Variants in FANCC observed in about 807,000 individuals in gnomAD.
The protein encoded by FANCC is Fanconi anemia group C protein.
In FANCC, 55 loss-of-function variants were observed where a neutral mutation model predicts 71.3. That is an observed-to-expected ratio of 0.77 (90% CI 0.62 to 0.97). FANCC has a LOEUF of 0.97. FANCC is among the 50% of genes least tolerant of loss of function. FANCC has a pLI of 0.00. For synonymous variants in FANCC, 275 were observed against 244.9 expected (o/e 1.12, Z -1.15); for missense variants, 678 against 670.9 (o/e 1.01, Z -0.12).
chr9:95,179,148 G>A (rs1723497902), intron 4 of FANCC, among the ~76,000 whole-genome samples: 1 of 152,096 alleles, frequency 6.6e-6, no homozygotes, highest in African/African-American at 2.4e-5. Context: ...GTTTTGATGT[G>A]TTCTTTCATC....
At position 95,099,380 on chromosome 9, in the gene FANCC, G is replaced by A. The variant is rs761146355; in HGVS notation, c.*2327C>T. 17 of 227,942 alleles carry A rather than the reference G, an allele frequency of 7.5e-5. No homozygotes were observed. The highest frequency in any genetic ancestry group is 1.4e-4 in the Non-Finnish European group (16 of 115,274). The allele number at this position is 227,942 out of a possible 1,614,324, so 14.1% of individuals were successfully genotyped here. A position where few individuals can be genotyped will look rare whatever the true frequency, so the allele number is the denominator to read the frequency against. On this transcript the variant is annotated 3_prime_UTR_variant, in exon 15 of 15. Transcript: ENST00000289081. ...CGCCTTGCCATCCCTGCCTCCCTGC[G>A]GCTGCCCCTGTGCCCAGGCCCCGCC... is the stretch of plus-strand genomic sequence containing the variant.
At chr9:95,103,074 C>G (rs552460164) in intron 14 of FANCC, among the ~76,000 whole-genome samples, 2 of 152,112 alleles carry the variant, frequency 1.3e-5, no homozygotes, top group South Asian at 4.1e-4. Flanking sequence ...TGTCCTTCAT[C>G]AAGGAAACAA....
chr9:95,130,247 C>T (rs975357394), intron 8 of FANCC, among the ~76,000 whole-genome samples: 1 of 151,930 alleles, frequency 6.6e-6, no homozygotes. Context: ...ACAGAATTCT[C>T]AGGAAGAAGC....
intron 1 of FANCC, chr9:95,292,884 G>A: frequency 6.3e-7 from 1 of 1,585,400 alleles, no homozygotes; most frequent in Non-Finnish European, 8.7e-7. Context: ...GAAAAGACTT[G>A]CAGAGGACTG....
intron 6 of FANCC, among the ~76,000 whole-genome samples, chr9:95,169,917 A>T (rs1825556348): frequency 6.6e-6 from 1 of 152,144 alleles, no homozygotes; most frequent in Non-Finnish European, 1.5e-5. Flanking sequence ...CATTTCTATA[A>T]CGGAGTGTTT....
chr9:95,193,347 G>A (rs1418902005), intron 4 of FANCC, among the ~76,000 whole-genome samples: 2 of 152,104 alleles, frequency 1.3e-5, no homozygotes, highest in Admixed American at 6.5e-5. Context: ...CTCTAGCTAG[G>A]CCATGGCGAG....
At chr9:95,193,642 G>A (rs1827242510) in intron 4 of FANCC, among the ~76,000 whole-genome samples, 1 of 152,142 alleles carries the variant, frequency 6.6e-6, no homozygotes, top group African/African-American at 2.4e-5. Flanking sequence ...AGATGACATT[G>A]GAAACTGAGA....
intron 7 of FANCC, among the ~76,000 whole-genome samples, chr9:95,143,948 A>C (rs976617869): frequency 2.0e-5 from 3 of 152,252 alleles, no homozygotes; most frequent in Non-Finnish European, 2.9e-5. Flanking sequence ...AAAGACAGGC[A>C]GACCACTGCT....
chr9:95,219,592 C>T (rs766357689), intron 4 of FANCC, among the ~76,000 whole-genome samples: 2 of 152,010 alleles, frequency 1.3e-5, no homozygotes, highest in Non-Finnish European at 2.9e-5. Context: ...ACAGGTTTGA[C>T]CTGACAAAAA....
At chr9:95,146,675 G>A (rs937894377) in intron 7 of FANCC, among the ~76,000 whole-genome samples, 1 of 151,846 alleles carries the variant, frequency 6.6e-6, no homozygotes, top group Non-Finnish European at 1.5e-5. Context: ...GACGGAGAGG[G>A]CTCTGCAAAT....
At chr9:95,250,759 C>A (rs1182558560) in intron 1 of FANCC, among the ~76,000 whole-genome samples, 1 of 152,232 alleles carries the variant, frequency 6.6e-6, no homozygotes, top group African/African-American at 2.4e-5. Flanking sequence ...ACCTCATTGC[C>A]ACCCCTCAGC....
chr9:95,277,764 C>T (rs967837512), intron 1 of FANCC, among the ~76,000 whole-genome samples: 11 of 152,104 alleles, frequency 7.2e-5, no homozygotes, highest in African/African-American at 2.7e-4. Flanking sequence ...CATGGGAAAA[C>T]ATATTCAAAG....
At position 95,114,726 on chromosome 9, in the gene FANCC, G is replaced by A. The variant is rs2134633141; in HGVS notation, c.1073-16C>T. The A allele has an allele frequency of 1.2e-6, 2 of 1,611,400 alleles. No individual in the cohort carries two copies. Among genetic ancestry groups the A allele is most frequent in the Non-Finnish European group, 1.7e-6 (2 of 1,177,512 alleles). On this transcript the variant is annotated splice_polypyrimidine_tract_variant and intron_variant, in intron 11 of 14. Transcript: ENST00000289081. Reference sequence around the variant, plus strand: ...CGAGGGATATCTGCGGGTGGAGAGAGATACGTCAGAGGGCAACTGAGGAAA... The same window carrying A: ...CGAGGGATATCTGCGGGTGGAGAGAAATACGTCAGAGGGCAACTGAGGAAA...
At chr9:95,296,669 G>A (rs1834396194) in intron 1 of FANCC, among the ~76,000 whole-genome samples, 2 of 152,194 alleles carry the variant, frequency 1.3e-5, no homozygotes, top group Admixed American at 6.5e-5. Context: ...TATTCAGTTA[G>A]CCAAACAAAC....
intron 13 of FANCC, among the ~76,000 whole-genome samples, chr9:95,108,259 G>A (rs771290851): frequency 7.2e-5 from 11 of 152,268 alleles, no homozygotes; most frequent in Middle Eastern, 3.4e-3. Context: ...CTGCACCATC[G>A]GGCTCTTCCA....
At chr9:95,139,823 T>TATATATATATTTATATATATATATATAA (rs1564685051) in intron 7 of FANCC, among the ~76,000 whole-genome samples, 6 of 146,052 alleles carry the variant, frequency 4.1e-5, no homozygotes, top group African/African-American at 1.5e-4. Flanking sequence ...ACAAAATGAA[T>TATATATATATTTATATATATATATATAA]ATATATATAT....
intron 7 of FANCC, among the ~76,000 whole-genome samples, chr9:95,136,991 G>A (rs1827797812): frequency 6.6e-6 from 1 of 151,984 alleles, no homozygotes; most frequent in Non-Finnish European, 1.5e-5. Context: ...CCAGACAGTG[G>A]GTGCTTCCCA....
intron 8 of FANCC, chr9:95,126,839 A>G: frequency 2.1e-6 from 1 of 467,006 alleles, no homozygotes; most frequent in East Asian, 3.9e-5. Context: ...ATAAAAGCTC[A>G]GGCGATCCAT....
At chr9:95,149,772 C>T in intron 7 of FANCC, 151 bp downstream of exon 7, 1 of 927,410 alleles carries the variant, frequency 1.1e-6, no homozygotes, top group Non-Finnish European at 1.7e-6. Context: ...AGCCACCACA[C>T]CTGGCCGGGA....
Sources: gnomAD v4.1 joint callset for allele counts (sites outside exome capture counted in the v4.1 genomes callset) on GRCh38, gnomAD v4.1.1 for gene constraint, MANE v1.5 for transcripts, NCBI Gene and HGNC (gene_info 2026-07-23, HGNC 2026-07-21) for gene names.